Variants in VGLL4 observed in about 807,000 individuals in gnomAD.
VGLL4 encodes the protein vestigial like family member 4.
Under a neutral mutation model 21.0 loss-of-function variants are expected in VGLL4, and 7 were observed. The ratio of observed to expected loss-of-function variants is 0.33; its 90% CI spans 0.19 to 0.63. The LOEUF (loss-of-function observed/expected upper bound fraction) is 0.63, where lower values mean the gene tolerates loss of function less well. Among genes scored for constraint, VGLL4 ranks in the 20% least tolerant of loss-of-function variants. The pLI is 0.78. For synonymous variants in VGLL4, 222 were observed against 173.2 expected (o/e 1.28, Z -2.21); for missense variants, 394 against 425.7 (o/e 0.93, Z 0.66).
intron 2 of VGLL4, among the ~76,000 whole-genome samples, chr3:11,690,599 G>A (rs894062414): frequency 2.6e-5 from 4 of 151,780 alleles, no homozygotes; most frequent in South Asian, 2.1e-4. Flanking sequence ...AGTTAAACAA[G>A]GTAAGGTCCA....
At chr3:11,558,870 G>T in intron 4 of VGLL4, 43 bp from the exon 5 acceptor site, 1 of 1,599,738 alleles carries the variant, frequency 6.3e-7, no homozygotes. Flanking sequence ...ACAGGTGGCT[G>T]CAGACAGACA....
chr3:11,673,640 T>A (rs1486418723), intron 2 of VGLL4, among the ~76,000 whole-genome samples: 2 of 152,120 alleles, frequency 1.3e-5, no homozygotes, highest in Non-Finnish European at 2.9e-5. Flanking sequence ...TCATGGCATT[T>A]GAAATTTCAG....
At chr3:11,709,042 C>G (rs542907643) in intron 1 of VGLL4, among the ~76,000 whole-genome samples, 3 of 151,950 alleles carry the variant, frequency 2.0e-5, no homozygotes, top group East Asian at 3.9e-4. Flanking sequence ...GCCTGGGCAA[C>G]AGAGTAAGAT....
At chr3:11,607,051 A>G (rs2074961572) in intron 1 of VGLL4, 1 of 152,268 alleles carries the variant, frequency 6.6e-6, no homozygotes, top group African/African-American at 2.4e-5. Context: ...CTGATGAAAC[A>G]CAGAGTTACC....
In VGLL4 at chr3:11,711,716, CA is replaced by C. The variant is rs540751044; in HGVS notation, c.-13-8670del. Among the ~76,000 whole-genome samples, 176 of 144,350 alleles carry C rather than the reference CA, an allele frequency of 1.2e-3. 1 individual carries two copies. The highest frequency in any genetic ancestry group is 1.9e-3 in the Non-Finnish European group (122 of 65,660). 94.7% of individuals were successfully genotyped at this position (144,350 alleles called of 152,430 possible). Reference sequence around the variant, plus strand: ...TGGGTGACAGAGGGAGACCCTGTCTCAAAAAAAAAATAAAAAAGAATTTAGA... The same window carrying C: ...TGGGTGACAGAGGGAGACCCTGTCTCAAAAAAAAATAAAAAAGAATTTAGA... On this transcript the variant is annotated intron_variant, in intron 1 of 5. Coordinates refer to the VGLL4 transcript ENST00000273038.
chr3:11,570,896 G>C (rs1360603647), intron 2 of VGLL4, among the ~76,000 whole-genome samples: 2 of 152,178 alleles, frequency 1.3e-5, no homozygotes, highest in Non-Finnish European at 2.9e-5. Context: ...GTGAGTGGGA[G>C]AATTCACTGC....
intron 2 of VGLL4, among the ~76,000 whole-genome samples, chr3:11,654,704 C>T (rs1229917190): frequency 6.6e-6 from 1 of 152,126 alleles, no homozygotes; most frequent in Admixed American, 6.5e-5. Flanking sequence ...AAACCCATAC[C>T]ATATTTTTCT....
At chr3:11,601,771 C>T in intron 2 of VGLL4, 62 bp downstream of exon 2, 2 of 1,569,070 alleles carry the variant, frequency 1.3e-6, no homozygotes, top group Non-Finnish European at 1.7e-6. Context: ...CACAAAGTTG[C>T]AAAACAAATA....
At chr3:11,594,620 A>G (rs528170708) in intron 2 of VGLL4, among the ~76,000 whole-genome samples, 1 of 152,326 alleles carries the variant, frequency 6.6e-6, no homozygotes, top group South Asian at 2.1e-4. Context: ...AATTTACCAT[A>G]CTGTTACACT....
chr3:11,712,143 G>A (rs1042863617), intron 1 of VGLL4, among the ~76,000 whole-genome samples: 1 of 152,084 alleles, frequency 6.6e-6, no homozygotes, highest in Non-Finnish European at 1.5e-5. Context: ...AGTCAACAGA[G>A]CCAGGACTTT....
At chr3:11,582,425 G>T in intron 2 of VGLL4, 1 of 1,503,516 alleles carries the variant, frequency 6.7e-7, no homozygotes, top group Non-Finnish European at 9.0e-7. Flanking sequence ...AGTCCTCCCT[G>T]AAAGGAGGGT....
intron 1 of VGLL4, among the ~76,000 whole-genome samples, chr3:11,636,181 T>A (rs1390904672): frequency 1.3e-5 from 2 of 152,232 alleles, no homozygotes; most frequent in Non-Finnish European, 2.9e-5. Context: ...CTTGCACTCA[T>A]CACTCCCTTA....
Position 11,568,707 on chromosome 3 carries a change from G to T in VGLL4, c.273-3688C>A, listed in dbSNP as rs1002697913. The T allele has an allele frequency of 5.8e-6, 9 of 1,548,806 alleles. No individual in the cohort carries two copies. Among genetic ancestry groups the T allele is most frequent in the African/African-American group, 1.4e-5 (1 of 72,954 alleles). ...ACCTCCCGGCCACTGCTTCCCAGGC[G>T]TCATGTGCTCCCGGGGACGGCAGAA... On this transcript the variant is annotated intron_variant, in intron 2 of 4. Transcript: ENST00000430365. This position sits in a 1 kb window ranked among gnomAD's most constrained non-coding sequence, Gnocchi z 5.9.
At chr3:11,619,555 C>T (rs1284860908) in intron 1 of VGLL4, among the ~76,000 whole-genome samples, 1 of 152,142 alleles carries the variant, frequency 6.6e-6, no homozygotes, top group Non-Finnish European at 1.5e-5. Context: ...AGTCTCACTT[C>T]CCTGGTGGGC....
chr3:11,673,447 T>C (rs1401817815), intron 2 of VGLL4, among the ~76,000 whole-genome samples: 2 of 151,070 alleles, frequency 1.3e-5, no homozygotes, highest in African/African-American at 2.4e-5. Flanking sequence ...GGGGGGGAAG[T>C]AGACTAGTCC....
At chr3:11,588,819 T>C (rs2074418198) in intron 2 of VGLL4, among the ~76,000 whole-genome samples, 1 of 152,236 alleles carries the variant, frequency 6.6e-6, no homozygotes, top group Admixed American at 6.5e-5. Flanking sequence ...GAGGCGGTGC[T>C]GAATTTAGGG....
At chr3:11,611,669 G>A (rs2075065973) in intron 1 of VGLL4, 1 of 152,208 alleles carries the variant, frequency 6.6e-6, no homozygotes, top group South Asian at 2.1e-4. Flanking sequence ...ACGTACAGAT[G>A]CCGCTTCCAG....
chr3:11,703,094 A>C, intron 1 of VGLL4: 1 of 1,518,074 alleles, frequency 6.6e-7, no homozygotes, highest in Admixed American at 2.0e-5. Context: ...AACAGAATTC[A>C]AAAGACTCTT....
At chr3:11,566,411 T>C (rs2073523452) in intron 2 of VGLL4, among the ~76,000 whole-genome samples, 1 of 152,212 alleles carries the variant, frequency 6.6e-6, no homozygotes, top group Admixed American at 6.5e-5. Context: ...CTACCAACCT[T>C]ATTCAGATTT....
Sources: gnomAD v4.1 joint callset for allele counts (sites outside exome capture counted in the v4.1 genomes callset) on GRCh38, gnomAD v4.1.1 for gene constraint, Gnocchi (gnomAD v3.1) non-coding constraint, MANE v1.5 for transcripts, NCBI Gene and HGNC (gene_info 2026-07-23, HGNC 2026-07-21) for gene names.